Variants in EFHC1 observed in about 807,000 individuals in gnomAD.
EFHC1 encodes EF-hand domain containing 1, also known as EF-hand domain-containing protein 1.
Under a neutral mutation model 69.9 loss-of-function variants are expected in EFHC1, and 53 were observed. That is an observed-to-expected ratio of 0.76 (90% CI 0.61 to 0.95). The LOEUF (loss-of-function observed/expected upper bound fraction) is 0.95, where lower values mean the gene tolerates loss of function less well. EFHC1 is among the 40% of genes least tolerant of loss of function. The probability of loss-of-function intolerance (pLI) is 0.00; values close to 1 mark genes in which losing one functional copy is unlikely to be tolerated. For missense variants in EFHC1, 739 were observed against 798.7 expected, an observed-to-expected ratio of 0.93 and a Z score of 0.90; for synonymous variants, 256 against 278.4, an observed-to-expected ratio of 0.92 and a Z score of 0.80.
At chr6:52,448,294 G>A (rs370337736) in intron 3 of EFHC1, among the ~76,000 whole-genome samples, 2 of 152,342 alleles carry the variant, frequency 1.3e-5, no homozygotes, top group South Asian at 2.1e-4. Context: ...CACCAGCCTC[G>A]CTGCCGCCTT....
At chr6:52,452,608 C>T (rs1764939173) in intron 3 of EFHC1, 80 bp from the exon 4 acceptor site, 8 of 1,550,870 alleles carry the variant, frequency 5.2e-6, no homozygotes, top group Non-Finnish European at 7.1e-6. Flanking sequence ...GGCCCATACA[C>T]TTATTTTTAT....
intron 5 of EFHC1, among the ~76,000 whole-genome samples, chr6:52,462,666 A>G (rs1276880253): frequency 6.6e-6 from 1 of 152,168 alleles, no homozygotes; most frequent in Non-Finnish European, 1.5e-5. Context: ...CAGGCGGATC[A>G]CTTGAGGTCA....
chr6:52,423,589 C>T (rs1361624241), intron 1 of EFHC1: 2 of 489,144 alleles, frequency 4.1e-6, no homozygotes, highest in Non-Finnish European at 7.1e-6. Context: ...GCAGCTTGGA[C>T]CTCCCAGGCT....
At chr6:52,442,577 A>T (rs1211517999) in intron 3 of EFHC1, among the ~76,000 whole-genome samples, 3 of 152,122 alleles carry the variant, frequency 2.0e-5, no homozygotes, top group Non-Finnish European at 4.4e-5. Context: ...TAGTTTGCTC[A>T]GAATGATGGT....
chr6:52,478,965 A>G lies in EFHC1; in HGVS notation c.1279-72A>G, dbSNP rs539520622. Reference sequence around the variant, plus strand: ...CATTTATATCCTATACCTGGCCCCTATAGGCATTTAAGTTGGCACATCTGC... The same window carrying G: ...CATTTATATCCTATACCTGGCCCCTGTAGGCATTTAAGTTGGCACATCTGC... On this transcript the variant is annotated intron_variant, in intron 7 of 10. Coordinates refer to ENST00000371068, the MANE Select transcript of EFHC1 (RefSeq NM_018100.4). The G allele has an allele frequency of 2.0e-4, 279 of 1,411,280 alleles. 11 individuals carry two copies. The highest frequency in any genetic ancestry group is 1.5e-3 in the South Asian group (134 of 86,984). The allele number at this position is 1,411,280 out of a possible 1,614,324, so 87.4% of individuals were successfully genotyped here. A position where few individuals can be genotyped will look rare whatever the true frequency, so the allele number is the denominator to read the frequency against.
Position 52,492,866 on chromosome 6 carries a change from C to T in EFHC1, c.*525C>T. The T allele has an allele frequency of 4.4e-6, 2 of 452,110 alleles. No individual in the cohort carries two copies. The highest frequency in any genetic ancestry group is 8.9e-6 in the Non-Finnish European group (2 of 225,824). 28.0% of individuals were successfully genotyped at this position (452,110 alleles called of 1,614,324 possible). On this transcript the variant is annotated 3_prime_UTR_variant, in exon 11 of 11. Transcript: ENST00000371068. Reference sequence around the variant, plus strand: ...TCATGAGCTCCAGAAATTCTCCCACCTCAGCCTCCAAAAGTGCTGGGATTA... The same window carrying T: ...TCATGAGCTCCAGAAATTCTCCCACTTCAGCCTCCAAAAGTGCTGGGATTA...
In EFHC1 at chr6:52,493,574, C is replaced by T. The variant is rs1209459412; in HGVS notation, c.*1233C>T. ...GGCTTAAATGGGAGAATCACTTGAACCCTGGAGGCAGAGGTTGCAGTGAGC... is the reference window on the plus strand; with the variant it reads ...GGCTTAAATGGGAGAATCACTTGAATCCTGGAGGCAGAGGTTGCAGTGAGC... On this transcript the variant is annotated 3_prime_UTR_variant, in exon 11 of 11. Coordinates refer to ENST00000371068, the MANE Select transcript of EFHC1 (RefSeq NM_018100.4). The T allele has an allele frequency of 9.0e-6, 4 of 444,572 alleles. No homozygotes were observed. The highest frequency in any genetic ancestry group is 8.2e-5 in the African/African-American group (4 of 49,054). The allele number at this position is 444,572 out of a possible 1,614,324, so 27.5% of individuals were successfully genotyped here.
chr6:52,445,780 A>C (rs1764770400), intron 3 of EFHC1, among the ~76,000 whole-genome samples: 1 of 152,162 alleles, frequency 6.6e-6, no homozygotes, highest in African/African-American at 2.4e-5. Context: ...CATTGGTTTC[A>C]AAGAACATCT....
chr6:52,443,985 C>T (rs1379368633), intron 3 of EFHC1, among the ~76,000 whole-genome samples: 1 of 152,128 alleles, frequency 6.6e-6, no homozygotes, highest in East Asian at 1.9e-4. Context: ...TTGTAGTTCT[C>T]CTTGAAGAGG....
chr6:52,461,763 G>T (rs892218489), intron 5 of EFHC1, among the ~76,000 whole-genome samples: 4 of 152,044 alleles, frequency 2.6e-5, no homozygotes, highest in Admixed American at 2.6e-4. Flanking sequence ...AATAGCAAAA[G>T]AAACTGATGA....
At chr6:52,452,621 A>G (rs1458677222) in intron 3 of EFHC1, 67 bp from the exon 4 acceptor site, 28 of 1,570,070 alleles carry the variant, frequency 1.8e-5, no homozygotes, top group Non-Finnish European at 2.5e-5. Context: ...ATTTTTATAT[A>G]ATCAGTTTAT....
In EFHC1 at chr6:52,493,784, G is replaced by A. The variant is rs772063109; in HGVS notation, c.*1443G>A. On this transcript the variant is annotated 3_prime_UTR_variant, in exon 11 of 11. Coordinates refer to ENST00000371068, the MANE Select transcript of EFHC1 (RefSeq NM_018100.4). Reference sequence around the variant, plus strand: ...TTTTTACAAACAGGGCTTCTCTTTGGTTGAAGTCAGCCACTAAGTTCATCT... The same window carrying A: ...TTTTTACAAACAGGGCTTCTCTTTGATTGAAGTCAGCCACTAAGTTCATCT... 1 of 454,070 alleles carries A rather than the reference G, an allele frequency of 2.2e-6. No homozygotes were observed. 28.1% of individuals were successfully genotyped at this position (454,070 alleles called of 1,614,324 possible).
intron 2 of EFHC1, among the ~76,000 whole-genome samples, chr6:52,433,076 T>G (rs1482542818): frequency 6.6e-6 from 1 of 152,098 alleles, no homozygotes; most frequent in Non-Finnish European, 1.5e-5. Flanking sequence ...GAAAAAAATT[T>G]CCCTTCACTT....
At chr6:52,442,014 G>A (rs1764675649) in intron 3 of EFHC1, among the ~76,000 whole-genome samples, 2 of 152,246 alleles carry the variant, frequency 1.3e-5, no homozygotes, top group South Asian at 4.1e-4. Flanking sequence ...AGGCTCTGGA[G>A]TTTTCTAGAT....
intron 7 of EFHC1, among the ~76,000 whole-genome samples, chr6:52,474,789 AAGC>A (rs1357113489): frequency 6.6e-6 from 1 of 152,200 alleles, no homozygotes; most frequent in Non-Finnish European, 1.5e-5. Flanking sequence ...GAAGATTAAA[AAGC>A]AGACAAAACA....
chr6:52,454,678 A>G (rs986553352), intron 5 of EFHC1, among the ~76,000 whole-genome samples: 1 of 152,206 alleles, frequency 6.6e-6, no homozygotes, highest in Non-Finnish European at 1.5e-5. Context: ...TCTCACTTCA[A>G]CTACTTCCTA....
chr6:52,423,725 C>G (rs563856926), intron 1 of EFHC1: 15 of 847,970 alleles, frequency 1.8e-5, no homozygotes, highest in Non-Finnish European at 2.6e-5. Context: ...AGGCTGGTCT[C>G]GAACTCTGGG....
At chr6:52,467,341 C>T (rs990763527) in intron 6 of EFHC1, among the ~76,000 whole-genome samples, 9 of 151,472 alleles carry the variant, frequency 5.9e-5, no homozygotes, top group African/African-American at 2.2e-4. Context: ...CCACCACACC[C>T]AGCTAATTTT....
intron 7 of EFHC1, among the ~76,000 whole-genome samples, chr6:52,471,102 G>A (rs1020095100): frequency 2.6e-5 from 4 of 152,226 alleles, no homozygotes; most frequent in African/African-American, 4.8e-5. Context: ...AATGAGAACC[G>A]CAGAAGTGAA....
Sources: gnomAD v4.1 joint callset for allele counts (sites outside exome capture counted in the v4.1 genomes callset) on GRCh38, gnomAD v4.1.1 for gene constraint, MANE v1.5 for transcripts, NCBI Gene and HGNC (gene_info 2026-07-23, HGNC 2026-07-21) for gene names.